The following ZCWPW2 variants were observed in gnomAD, a reference collection of about 807,000 sequenced individuals.
ZCWPW2 encodes the protein zinc finger CW-type and PWWP domain containing 2.
Under a neutral mutation model 46.6 loss-of-function variants are expected in ZCWPW2, and 45 were observed. That is an observed-to-expected ratio of 0.96 (90% confidence interval 0.76 to 1.24). The LOEUF (loss-of-function observed/expected upper bound fraction) is 1.24, where lower values mean the gene tolerates loss of function less well. ZCWPW2 is among the 50% of genes most tolerant of loss of function. The pLI, the probability that ZCWPW2 is intolerant of heterozygous loss-of-function variation, is 0.00. For synonymous variants in ZCWPW2, 152 were observed against 137.1 expected (o/e 1.11, Z -0.76); for missense variants, 429 against 403.9 (o/e 1.06, Z -0.53).
At chr3:28,492,449 TATAC>T (rs1699842925) in intron 6 of ZCWPW2, among the ~76,000 whole-genome samples, 1 of 152,076 alleles carries the variant, frequency 6.6e-6, no homozygotes, top group Non-Finnish European at 1.5e-5. Context: ...TTATATTTCA[TATAC>T]ATACTCATAT....
At chr3:28,450,099 TC>T (rs1167256864) in intron 4 of ZCWPW2, among the ~76,000 whole-genome samples, 1 of 152,236 alleles carries the variant, frequency 6.6e-6, no homozygotes, top group Non-Finnish European at 1.5e-5. Flanking sequence ...ACTTTTAAGT[TC>T]CTTAAGCATT....
chr3:28,382,162 CAA>C (rs1237903671), intron 1 of ZCWPW2, among the ~76,000 whole-genome samples: 20 of 81,346 alleles, frequency 2.5e-4, no homozygotes, highest in Non-Finnish European at 1.7e-4. Flanking sequence ...AACTGCATCT[CAA>C]AAAAAAAAAA....
intron 3 of ZCWPW2, among the ~76,000 whole-genome samples, chr3:28,414,371 G>A (rs544292688): frequency 2.3e-4 from 34 of 150,410 alleles, no homozygotes; most frequent in Non-Finnish European, 4.7e-4. Context: ...TTTAGGTTCC[G>A]GGATACATGT....
intron 4 of ZCWPW2, chr3:28,447,683 A>T (rs1698048171): frequency 2.3e-6 from 1 of 428,222 alleles, no homozygotes; most frequent in Non-Finnish European, 4.5e-6. Flanking sequence ...AAAGAAATAA[A>T]AGATATCTAG....
At chr3:28,402,284 G>T (rs1381961877) in intron 2 of ZCWPW2, among the ~76,000 whole-genome samples, 2 of 151,994 alleles carry the variant, frequency 1.3e-5, no homozygotes, top group African/African-American at 4.8e-5. Context: ...ATCATTCAAG[G>T]CTACTATGAA....
chr3:28,417,370 T>G (rs986416357), intron 3 of ZCWPW2, among the ~76,000 whole-genome samples: 1 of 152,106 alleles, frequency 6.6e-6, no homozygotes, highest in Non-Finnish European at 1.5e-5. Context: ...GAGGCAATAA[T>G]TAATAGTTTA....
rs536610972 is a variant in ZCWPW2, at chr3:28,484,028, T to A, written c.610+5097T>A. Among the ~76,000 whole-genome samples, 35 of 152,280 alleles carry A rather than the reference T, an allele frequency of 2.3e-4. 1 individual carries two copies. In the South Asian group the frequency reaches 6.6e-3, roughly 29 times the overall value. ...TCCAGTACAATATTGAGAAGAGTGG[T>A]GAGGGAGAAAACCCTTGACTTGTTC... On this transcript the variant is annotated intron_variant, in intron 5 of 9. Coordinates refer to ENST00000383768, the MANE Select transcript of ZCWPW2 (RefSeq NM_001040432.4).
At chr3:28,379,941 T>C (rs1196085245) in intron 1 of ZCWPW2, among the ~76,000 whole-genome samples, 1 of 151,920 alleles carries the variant, frequency 6.6e-6, no homozygotes, top group Non-Finnish European at 1.5e-5. Context: ...GTAAGTCAAG[T>C]TTATTTTTAT....
intron 1 of ZCWPW2, among the ~76,000 whole-genome samples, chr3:28,381,610 A>G (rs939588228): frequency 6.6e-6 from 1 of 152,056 alleles, no homozygotes; most frequent in Admixed American, 6.6e-5. Flanking sequence ...ACACAGTGAG[A>G]CTATGTCTTT....
chr3:28,424,887 A>C (rs952777381), intron 3 of ZCWPW2, among the ~76,000 whole-genome samples: 1 of 152,222 alleles, frequency 6.6e-6, no homozygotes, highest in Admixed American at 6.5e-5. Flanking sequence ...ATTTTAAAAG[A>C]CATGAATATG....
chr3:28,376,557 T>G (rs1219634760), intron 1 of ZCWPW2, among the ~76,000 whole-genome samples: 1 of 151,966 alleles, frequency 6.6e-6, no homozygotes, highest in South Asian at 2.1e-4. Flanking sequence ...GTGGGAGGAG[T>G]GTCATGAACA....
intron 1 of ZCWPW2, among the ~76,000 whole-genome samples, chr3:28,359,826 T>G (rs1350832457): frequency 6.6e-6 from 1 of 152,138 alleles, no homozygotes; most frequent in Non-Finnish European, 1.5e-5. Flanking sequence ...CATTGTAGAT[T>G]ATGATCGTCC....
Position 28,379,011 on chromosome 3 carries a change from A to C in ZCWPW2, c.-133-11487A>C, listed in dbSNP as rs558748648. ...CTCCCAGGTAGCTGGACACTGCCTGAAAATATCAGGTGTGCCTTATGTGCT... is the reference window on the plus strand; with the variant it reads ...CTCCCAGGTAGCTGGACACTGCCTGCAAATATCAGGTGTGCCTTATGTGCT... On this transcript the variant is annotated intron_variant, in intron 1 of 9. Coordinates refer to ENST00000383768, the MANE Select transcript of ZCWPW2 (RefSeq NM_001040432.4). Among the ~76,000 whole-genome samples the C allele has an allele frequency of 2.0e-5, 3 of 152,330 alleles. No individual in the cohort carries two copies. The East Asian group carries it at 5.8e-4, about 29-fold the overall frequency.
intron 1 of ZCWPW2, among the ~76,000 whole-genome samples, chr3:28,374,632 A>G (rs1023585078): frequency 6.6e-6 from 1 of 151,870 alleles, no homozygotes; most frequent in Non-Finnish European, 1.5e-5. Context: ...CATTTTTTGT[A>G]TGTTCTTTTC....
At chr3:28,363,127 C>A (rs1255434744) in intron 1 of ZCWPW2, among the ~76,000 whole-genome samples, 1 of 151,950 alleles carries the variant, frequency 6.6e-6, no homozygotes, top group African/African-American at 2.4e-5. Flanking sequence ...ATGCTTAGTA[C>A]CCGGCTGAGG....
chr3:28,400,949 G>T (rs527658374), intron 2 of ZCWPW2, among the ~76,000 whole-genome samples: 22 of 152,274 alleles, frequency 1.4e-4, no homozygotes, highest in Non-Finnish European at 4.4e-5. Context: ...GGAGGCCGAG[G>T]CAGGTGGATC....
In ZCWPW2 at chr3:28,401,071, C is replaced by T. The variant is rs376817780; in HGVS notation, c.-14+10454C>T. Among the ~76,000 whole-genome samples the T allele has an allele frequency of 4.8e-4, 73 of 151,552 alleles. 1 individual carries two copies. The South Asian group carries it at 9.0e-3, about 19-fold the overall frequency. ...GCAGGCGCCTGTAGTCCCAGCTACT[C>T]GGGAGGCTGAGGCAGGAGAATGGCG... is the stretch of plus-strand genomic sequence containing the variant. On this transcript the variant is annotated intron_variant, in intron 2 of 9. Transcript: ENST00000383768.
At chr3:28,515,722 T>TGC (rs1700545740) in intron 8 of ZCWPW2, 101 bp downstream of exon 8, 1 of 717,850 alleles carries the variant, frequency 1.4e-6, no homozygotes, top group African/African-American at 2.2e-5. Context: ...TTCCTGTGTG[T>TGC]GTGTGTGTGT....
At chr3:28,358,492 TTCTCTAACA>T (rs1704823420) in intron 1 of ZCWPW2, among the ~76,000 whole-genome samples, 2 of 151,684 alleles carry the variant, frequency 1.3e-5, no homozygotes, top group Admixed American at 6.6e-5. Context: ...CCCAGGAAAA[TTCTCTAACA>T]TCAGTTTGAA....
Sources: allele counts gnomAD v4.1 joint callset (sites outside exome capture counted in the v4.1 genomes callset), GRCh38; gene constraint gnomAD v4.1.1; transcripts MANE v1.5; gene names NCBI Gene and HGNC (gene_info 2026-07-23, HGNC 2026-07-21).